The following AGBL1 variants were observed in gnomAD, a reference collection of about 807,000 sequenced individuals.
AGBL1 encodes cytosolic carboxypeptidase 4.
In AGBL1, 130 loss-of-function variants were observed where a neutral mutation model predicts 118.9. The ratio of observed to expected loss-of-function variants is 1.09; its 90% CI spans 0.95 to 1.26. The LOEUF is 1.26. Ranked by LOEUF, AGBL1 falls within the 50% of genes most tolerant of loss-of-function variation. The probability of loss-of-function intolerance (pLI) is 0.00; values close to 1 mark genes in which losing one functional copy is unlikely to be tolerated. For missense variants in AGBL1, 1,584 were observed against 1,298.1 expected (o/e 1.22, Z -3.38); for synonymous variants, 555 against 478.9 (o/e 1.16, Z -2.08).
intron 21 of AGBL1, among the ~76,000 whole-genome samples, chr15:86,574,259 C>A (rs560733960): frequency 3.9e-5 from 6 of 152,282 alleles, no homozygotes; most frequent in South Asian, 2.1e-4. Flanking sequence ...AAGTGTGTAC[C>A]CAGAAGGTTA....
downstream of AGBL1, among the ~76,000 whole-genome samples, chr15:86,916,764 G>A (rs1419677111): frequency 6.6e-6 from 1 of 152,142 alleles, no homozygotes; most frequent in African/African-American, 2.4e-5. Flanking sequence ...TGCTGGCGGG[G>A]CCTGCAGAGA....
At chr15:86,200,677 C>G (rs1490505208) in intron 5 of AGBL1, among the ~76,000 whole-genome samples, 1 of 150,226 alleles carries the variant, frequency 6.7e-6, no homozygotes, top group African/African-American at 2.5e-5. Flanking sequence ...AGTGCAATGG[C>G]GCGATCTCGG....
intron 21 of AGBL1, among the ~76,000 whole-genome samples, chr15:86,622,293 G>A (rs1596315381): frequency 6.7e-6 from 1 of 149,090 alleles, no homozygotes; most frequent in Middle Eastern, 3.4e-3. Flanking sequence ...TGGCACCATT[G>A]CACTCCAACC....
chr15:86,656,717 C>T (rs2085466320), intron 21 of AGBL1, among the ~76,000 whole-genome samples: 1 of 152,070 alleles, frequency 6.6e-6, no homozygotes, highest in Non-Finnish European at 1.5e-5. Flanking sequence ...CCCTTGTGAC[C>T]TTCTTCCTTT....
intron 17 of AGBL1, among the ~76,000 whole-genome samples, chr15:86,338,607 G>A (rs1171478192): frequency 1.3e-5 from 2 of 152,150 alleles, no homozygotes; most frequent in African/African-American, 2.4e-5. Context: ...AGGTAGGGGG[G>A]TGGCTGTATT....
chr15:86,131,604 G>A (rs1441488056), intron 1 of AGBL1, among the ~76,000 whole-genome samples: 1 of 152,074 alleles, frequency 6.6e-6, no homozygotes, highest in Admixed American at 6.5e-5. Flanking sequence ...TTTGTTTTAA[G>A]AATTAAGCAG....
At chr15:86,780,574 GA>G (rs1399627573) in intron 22 of AGBL1, among the ~76,000 whole-genome samples, 7 of 152,148 alleles carry the variant, frequency 4.6e-5, no homozygotes, top group African/African-American at 1.7e-4. Context: ...CAATTTGGGG[GA>G]AGATTTGGAA....
At chr15:86,393,477 G>A (rs899361908) in intron 17 of AGBL1, among the ~76,000 whole-genome samples, 4 of 152,074 alleles carry the variant, frequency 2.6e-5, no homozygotes, top group Admixed American at 2.6e-4. Context: ...AGAGAGTGAT[G>A]TGGAATTATA....
At chr15:86,252,815 C>A (rs1385781592) in intron 7 of AGBL1, among the ~76,000 whole-genome samples, 1 of 152,180 alleles carries the variant, frequency 6.6e-6, no homozygotes, top group Non-Finnish European at 1.5e-5. Context: ...AAGGAAAGAT[C>A]TCAGTGACAA....
At chr15:86,779,320 A>C (rs1373293917) in intron 22 of AGBL1, among the ~76,000 whole-genome samples, 4 of 152,154 alleles carry the variant, frequency 2.6e-5, no homozygotes, top group African/African-American at 7.2e-5. Flanking sequence ...AGTCCCCAGA[A>C]CTCTAACAAA....
At chr15:86,276,275 T>C (rs780806531) in intron 15 of AGBL1, among the ~76,000 whole-genome samples, 1 of 152,202 alleles carries the variant, frequency 6.6e-6, no homozygotes, top group Non-Finnish European at 1.5e-5. Context: ...TTTTAACCCA[T>C]TCCTAAGAAG....
intron 1 of AGBL1, chr15:86,107,424 TC>T (rs1304647728): frequency 1.3e-5 from 2 of 152,176 alleles, no homozygotes; most frequent in African/African-American, 2.4e-5. Context: ...AGTGTCCTCA[TC>T]TATAAAATGA....
chr15:86,230,106 C>T (rs539494796), intron 6 of AGBL1, among the ~76,000 whole-genome samples: 5 of 152,166 alleles, frequency 3.3e-5, no homozygotes, highest in Non-Finnish European at 5.9e-5. Context: ...CACAGATCTT[C>T]CTCGTTAATG....
At chr15:86,299,702 C>T (rs2079715900) in intron 17 of AGBL1, 2 of 152,100 alleles carry the variant, frequency 1.3e-5, no homozygotes, top group Non-Finnish European at 2.9e-5. Flanking sequence ...TCCTTCAACA[C>T]ATTATATGTG....
chr15:86,339,590 A>T (rs1007146222), intron 17 of AGBL1, among the ~76,000 whole-genome samples: 1 of 152,136 alleles, frequency 6.6e-6, no homozygotes, highest in African/African-American at 2.4e-5. Context: ...TCATCAAGGT[A>T]ACAGATTCTT....
At chr15:86,156,468 C>G (rs561307454) in intron 4 of AGBL1, among the ~76,000 whole-genome samples, 3 of 152,298 alleles carry the variant, frequency 2.0e-5, no homozygotes, top group Admixed American at 6.5e-5. Flanking sequence ...TCTAAAGGCC[C>G]TATCTCCAGA....
In AGBL1 at chr15:86,963,528, A is replaced by G. The variant is rs542959521; in HGVS notation, c.3222-24459A>G. On this transcript the variant is annotated intron_variant, in intron 23 of 24. Transcript: ENST00000441037. Reference sequence around the variant, plus strand: ...ATAAACAATCTACCACGTTGAAAGCACACATATTACAAAGTTATAGCAAGA... The same window carrying G: ...ATAAACAATCTACCACGTTGAAAGCGCACATATTACAAAGTTATAGCAAGA... 4.1e-4 allele frequency among the ~76,000 whole-genome samples: 62 copies of G among 152,166 alleles called. 1 individual carries two copies. The South Asian group carries it at 0.012, about 28-fold the overall frequency.
intron 23 of AGBL1, among the ~76,000 whole-genome samples, chr15:86,976,854 A>C (rs2081181150): frequency 6.6e-6 from 1 of 151,988 alleles, no homozygotes; most frequent in Non-Finnish European, 1.5e-5. Context: ...AACTTTGTTT[A>C]TGTCGTGTAT....
intron 21 of AGBL1, among the ~76,000 whole-genome samples, chr15:86,585,366 A>G (rs2084230012): frequency 6.9e-6 from 1 of 145,734 alleles, no homozygotes; most frequent in Non-Finnish European, 1.5e-5. Flanking sequence ...GCAAATACAT[A>G]CAGAACTCCT....
Sources: gnomAD v4.1 joint callset for allele counts (sites outside exome capture counted in the v4.1 genomes callset) on GRCh38, gnomAD v4.1.1 for gene constraint, MANE v1.5 for transcripts, NCBI Gene and HGNC (gene_info 2026-07-23, HGNC 2026-07-21) for gene names.